MACF1: variants seen among roughly 807,000 people sequenced by gnomAD.
The protein encoded by MACF1 is microtubule-actin cross-linking factor 1.
Under a neutral mutation model 854.8 loss-of-function variants are expected in MACF1, and 193 were observed. That is an observed-to-expected ratio of 0.23 (90% confidence interval 0.20 to 0.25). The LOEUF (loss-of-function observed/expected upper bound fraction) is 0.25, where lower values mean the gene tolerates loss of function less well. Among genes scored for constraint, MACF1 ranks in the 10% least tolerant of loss-of-function variants. The pLI, the probability that MACF1 is intolerant of heterozygous loss-of-function variation, is 1.00. For missense variants in MACF1, 7,722 were observed against 8,929.1 expected, an observed-to-expected ratio of 0.86 and a Z score of 5.45; for synonymous variants, 3,185 against 3,226.7, an observed-to-expected ratio of 0.99 and a Z score of 0.44.
chr1:39,418,903 A>C (rs1233707620), intron 58 of MACF1, among the ~76,000 whole-genome samples: 1 of 152,192 alleles, frequency 6.6e-6, no homozygotes, highest in Non-Finnish European at 1.5e-5. Context: ...AAGTGTTTTA[A>C]GGAGTTCTTT....
At chr1:39,129,177 G>A (rs529458103) in intron 2 of MACF1, among the ~76,000 whole-genome samples, 3 of 152,300 alleles carry the variant, frequency 2.0e-5, no homozygotes, top group African/African-American at 7.2e-5. Context: ...AAGATGGGGT[G>A]TGTGCCTGAG....
chr1:39,185,135 C>G (rs1032574566), intron 2 of MACF1, among the ~76,000 whole-genome samples: 3 of 151,040 alleles, frequency 2.0e-5, no homozygotes, highest in Admixed American at 1.3e-4. Flanking sequence ...ACTAAAAATA[C>G]AAAAAAATTA....
At chr1:39,133,773 G>T (rs576079014) in intron 2 of MACF1, among the ~76,000 whole-genome samples, 1 of 152,226 alleles carries the variant, frequency 6.6e-6, no homozygotes, top group South Asian at 2.1e-4. Flanking sequence ...TACATTGTTT[G>T]CTGTACAATA....
intron 2 of MACF1, among the ~76,000 whole-genome samples, chr1:39,186,623 T>C (rs1644177458): frequency 6.6e-6 from 1 of 151,990 alleles, no homozygotes; most frequent in Admixed American, 6.5e-5. Context: ...TATTTTTTTT[T>C]AAGAGACAGG....
intron 97 of MACF1, among the ~76,000 whole-genome samples, chr1:39,471,489 T>C (rs2124148123): frequency 6.6e-6 from 1 of 152,308 alleles, no homozygotes; most frequent in South Asian, 2.1e-4. Flanking sequence ...TACCTCCTTT[T>C]ACACAGCTAT....
At chr1:39,435,366 A>T (rs1229721371) in intron 69 of MACF1, among the ~76,000 whole-genome samples, 192 bp from the exon 70 acceptor site, 1 of 152,210 alleles carries the variant, frequency 6.6e-6, no homozygotes, top group African/African-American at 2.4e-5. Context: ...TTCAAAAATT[A>T]AATTGGGTAA....
At chr1:39,297,075 C>T (rs1241420692) in intron 20 of MACF1, among the ~76,000 whole-genome samples, 3 of 152,042 alleles carry the variant, frequency 2.0e-5, no homozygotes, top group East Asian at 2.0e-4. Context: ...AGGCGCCCAC[C>T]ACCACGCCCG....
rs546248071 is a variant in MACF1 at position 39,433,524 on chromosome 1, C to T, written c.17565+369C>T. ...ATTATATCCTTCTAAAAGGTCGTAC[C>T]TAGTTTTAAAAGGATTGGTCAAGAT... On this transcript the variant is annotated intron_variant, in intron 68 of 100. Coordinates refer to ENST00000564288, the MANE Select transcript of MACF1 (RefSeq NM_001394062.1). 3.9e-5 allele frequency among the ~76,000 whole-genome samples: 6 copies of T among 152,202 alleles called. No individual in the cohort carries two copies. In the South Asian group the frequency reaches 1.2e-3, roughly 32 times the overall value.
Position 39,333,933 on chromosome 1 carries a change from A to G in MACF1, c.7345A>G (p.Arg2449Gly), listed in dbSNP as rs1412949858. The stretch of plus-strand genomic sequence containing the variant: ...AAATCTGGAGAAAGCTTCCAAAGGT[A>G]GAGATGCTGAAAAAACAGTTAGGGA... The part of the protein sequence containing the change: ...LINLEKASKG[R>G]DAEKTVRERL... The change falls in exon 37 of 101, where the codon AGA becomes GGA. Residue 2449 changes from arginine (R) to glycine (G), a missense_variant. Arg to Gly is a moderately radical substitution (Grantham distance 125). This residue lies in a region of MACF1 where 1,531 missense variants were observed against 1,601.6 expected (regional missense o/e 0.96). Coordinates refer to ENST00000564288, the MANE Select transcript of MACF1 (RefSeq NM_001394062.1). 4.3e-6 allele frequency: 7 copies of G among 1,613,924 alleles called. No homozygotes were observed. The African/African-American group carries it at 8.0e-5, about 18-fold the overall frequency.
chr1:39,415,046 T>A (rs533396670), intron 58 of MACF1, among the ~76,000 whole-genome samples: 1 of 152,222 alleles, frequency 6.6e-6, no homozygotes, highest in Non-Finnish European at 1.5e-5. Flanking sequence ...TCCTCCCCAT[T>A]CTTTTCAAAT....
In MACF1 at chr1:39,388,083, C is replaced by T; in HGVS notation, c.15241C>T (p.Pro5081Ser). The change falls in exon 58 of 101, where the codon CCA (proline) becomes TCA (serine). Residue 5081 changes from proline to serine, a missense_variant. Physicochemically the swap from Pro to Ser is moderately conservative, Grantham distance 74. Coordinates refer to ENST00000564288, the MANE Select transcript of MACF1 (RefSeq NM_001394062.1). ...NFTQGLVEDA[P>S]DGSDASQLLH... ...TACTCAGGGTCTGGTAGAAGATGCC[C>T]CAGATGGATCTGATGCTTCTCAACT... 6.2e-7 allele frequency: 1 copy of T among 1,614,090 alleles called. No homozygotes were observed. Among genetic ancestry groups the T allele is most frequent in the Non-Finnish European group, 8.5e-7 (1 of 1,180,018 alleles).
chr1:39,177,537 G>T (rs1644046739), intron 2 of MACF1, among the ~76,000 whole-genome samples: 1 of 152,244 alleles, frequency 6.6e-6, no homozygotes, highest in African/African-American at 2.4e-5. Flanking sequence ...ATCAGAGAGG[G>T]GTCCAGGAGC....
At chr1:39,129,090 C>A (rs1642931531) in intron 2 of MACF1, among the ~76,000 whole-genome samples, 1 of 152,122 alleles carries the variant, frequency 6.6e-6, no homozygotes, top group Admixed American at 6.5e-5. Flanking sequence ...TACTTCACAC[C>A]CTTCTAAAGA....
intron 2 of MACF1, among the ~76,000 whole-genome samples, chr1:39,181,877 G>C (rs1644108277): frequency 6.6e-6 from 1 of 152,164 alleles, no homozygotes. Context: ...AATTGGCCAG[G>C]CGTTGTGGCT....
rs143938374 is a variant in MACF1 at position 39,335,898 on chromosome 1, T to A, written c.9310T>A (p.Cys3104Ser). The A allele has an allele frequency of 2.3e-4, 372 of 1,614,096 alleles. 1 individual carries two copies. In the African/African-American group the frequency reaches 4.6e-3, roughly 20 times the overall value. The change falls in exon 37 of 101, where the codon TGT becomes AGT. Residue 3104 changes from cysteine to serine, a missense_variant. Physicochemically the swap from Cys to Ser is moderately radical, Grantham distance 112. Coordinates refer to ENST00000564288, the MANE Select transcript of MACF1 (RefSeq NM_001394062.1). ...TGGGGCCCAGAGTGAACCATTCCCT[T>A]GTATGACCCCAAGACCTGAAGGATT... ...ACGAQSEPFP[C>S]MTPRPEGLHY...
At chr1:39,386,968 AG>A (rs1373312331) in intron 57 of MACF1, among the ~76,000 whole-genome samples, 1 of 152,230 alleles carries the variant, frequency 6.6e-6, no homozygotes, top group East Asian at 1.9e-4. Context: ...ACCAGCTAGA[AG>A]TCAAAGTTTA....
In MACF1 at chr1:39,105,757, G is replaced by A. The variant is rs1365988387; in HGVS notation, c.220+21319G>A. 30 of 1,092,204 alleles carry A rather than the reference G, an allele frequency of 2.7e-5. No individual in the cohort carries two copies. Among genetic ancestry groups the A allele is most frequent in the Non-Finnish European group, 3.1e-5 (27 of 884,472 alleles). 67.7% of individuals were successfully genotyped at this position (1,092,204 alleles called of 1,614,324 possible). A position where few individuals can be genotyped will look rare whatever the true frequency, so the allele number is the denominator to read the frequency against. On this transcript the variant is annotated intron_variant, in intron 2 of 93. Transcript: ENST00000361689. The surrounding 1 kb of genome is among the most constrained non-coding windows in gnomAD (Gnocchi z 5.9). ...TGGCCGGCGCTGAGGCCCGCGGGCC[G>A]GCGCAGCGTGGCCTTCGGAGCCGGT...
At chr1:39,404,316 C>G (rs1167898038) in intron 58 of MACF1, among the ~76,000 whole-genome samples, 2 of 150,630 alleles carry the variant, frequency 1.3e-5, no homozygotes, top group Non-Finnish European at 3.0e-5. Context: ...ACTAAAAATA[C>G]AAAAATTAGC....
In MACF1 at chr1:39,359,231, G is replaced by T; in HGVS notation, c.12211G>T (p.Ala4071Ser). The change falls in exon 47 of 101, where the codon GCC (alanine) becomes TCC (serine). Residue 4071 changes from alanine to serine, a missense_variant. Transcript: ENST00000564288. ...CATAATGGAAATTGAAGGGGAGCCAGCCCCAGACCACAGGCATGTTCAAGA... is the reference window on the plus strand; with the variant it reads ...CATAATGGAAATTGAAGGGGAGCCATCCCCAGACCACAGGCATGTTCAAGA... Reference protein sequence around the residue: ...RDIMEIEGEPAPDHRHVQETT... With the variant: ...RDIMEIEGEPSPDHRHVQETT... 6.2e-7 allele frequency: 1 copy of T among 1,614,186 alleles called. No individual in the cohort carries two copies. Among genetic ancestry groups the T allele is most frequent in the Non-Finnish European group, 8.5e-7 (1 of 1,180,032 alleles).
Sources: allele counts gnomAD v4.1 joint callset (sites outside exome capture counted in the v4.1 genomes callset), GRCh38; gene constraint gnomAD v4.1.1; regional missense constraint gnomAD v4.1.1; non-coding constraint Gnocchi (gnomAD v3.1); transcripts MANE v1.5; gene names NCBI Gene and HGNC (gene_info 2026-07-23, HGNC 2026-07-21).